ABCB1: variants seen among roughly 807,000 people sequenced by gnomAD.
ABCB1 encodes ATP binding cassette subfamily B member 1.
A neutral mutation model predicts 142.0 loss-of-function variants in ABCB1; 69 were observed. That is an observed-to-expected ratio of 0.49 (90% CI 0.40 to 0.59). The LOEUF is 0.59. Among genes scored for constraint, ABCB1 ranks in the 20% least tolerant of loss-of-function variants. The probability of loss-of-function intolerance (pLI) is 0.00; values close to 1 mark genes in which losing one functional copy is unlikely to be tolerated. For synonymous variants in ABCB1, 532 were observed against 539.2 expected (o/e 0.99, Z 0.18); for missense variants, 1,326 against 1,554.7 (o/e 0.85, Z 2.47).
rs953923317 is a variant in ABCB1 at position 87,671,029 on chromosome 7, T to A, written c.-331+42132A>T. ...GCAGAGAAAGGGATCTTATTAGTAGTTGTGACTGAGGGTCATTTGCTTGTT... is the reference window on the plus strand; with the variant it reads ...GCAGAGAAAGGGATCTTATTAGTAGATGTGACTGAGGGTCATTTGCTTGTT... On this transcript the variant is annotated intron_variant, in intron 1 of 28. Coordinates refer to the ABCB1 transcript ENST00000265724. Among the ~76,000 whole-genome samples the A allele has an allele frequency of 4.6e-5, 7 of 152,180 alleles. No individual in the cohort carries two copies. The East Asian group carries it at 1.4e-3, about 29-fold the overall frequency.
chr7:87,536,666 C>T, intron 19 of ABCB1, 125 bp from the exon 20 acceptor site: 5 of 773,140 alleles, frequency 6.5e-6, no homozygotes, highest in Middle Eastern at 4.5e-4. Flanking sequence ...CAGGATGTGA[C>T]ATTCAATACA....
At chr7:87,582,123 T>C (rs751634988) in intron 4 of ABCB1, among the ~76,000 whole-genome samples, 1 of 152,134 alleles carries the variant, frequency 6.6e-6, no homozygotes, top group Non-Finnish European at 1.5e-5. Context: ...AAAGATAGCA[T>C]GCTGTCTTTG....
chr7:87,644,905 T>G (rs1458997860), intron 1 of ABCB1, among the ~76,000 whole-genome samples: 1 of 151,980 alleles, frequency 6.6e-6, no homozygotes, highest in Non-Finnish European at 1.5e-5. Flanking sequence ...TATTTTTAAT[T>G]ATAATTATGT....
chr7:87,692,318 C>A (rs934759656), intron 1 of ABCB1, among the ~76,000 whole-genome samples: 1 of 152,038 alleles, frequency 6.6e-6, no homozygotes. Flanking sequence ...TTAGTTGAGC[C>A]TGGTGGCACG....
At chr7:87,662,303 G>T (rs1293701866) in intron 1 of ABCB1, among the ~76,000 whole-genome samples, 1 of 152,040 alleles carries the variant, frequency 6.6e-6, no homozygotes, top group Non-Finnish European at 1.5e-5. Context: ...TTCTTATGGG[G>T]TGTCAGTCAA....
chr7:87,555,709 A>T (rs1255740527), intron 8 of ABCB1, among the ~76,000 whole-genome samples: 1 of 152,134 alleles, frequency 6.6e-6, no homozygotes, highest in Non-Finnish European at 1.5e-5. Context: ...AAACGTTTCA[A>T]TTATTTATAT....
chr7:87,569,544 TG>T (rs1817947064), intron 5 of ABCB1, among the ~76,000 whole-genome samples: 1 of 152,116 alleles, frequency 6.6e-6, no homozygotes, highest in East Asian at 1.9e-4. Context: ...TTTTCTGGGA[TG>T]TTTTATTTTA....
In ABCB1 at chr7:87,633,368, T is replaced by C. The variant is rs572299289; in HGVS notation, c.-330-32290A>G. Among the ~76,000 whole-genome samples the C allele has an allele frequency of 9.6e-4, 146 of 152,314 alleles. 1 individual carries two copies. The highest frequency in any genetic ancestry group is 3.3e-3 in the African/African-American group (138 of 41,562). On this transcript the variant is annotated intron_variant, in intron 1 of 28. Transcript: ENST00000265724. Reference sequence around the variant, plus strand: ...TTGACAAAGACTATACATAGAATAATGTAATCCTTATTGATGACTTTACTC... The same window carrying C: ...TTGACAAAGACTATACATAGAATAACGTAATCCTTATTGATGACTTTACTC...
At chr7:87,562,847 C>T (rs960071901) in intron 7 of ABCB1, among the ~76,000 whole-genome samples, 2 of 151,722 alleles carry the variant, frequency 1.3e-5, no homozygotes, top group Non-Finnish European at 2.9e-5. Flanking sequence ...CACCTATAGT[C>T]CCAGGACTTT....
At chr7:87,705,292 A>G (rs1829485643) in intron 1 of ABCB1, among the ~76,000 whole-genome samples, 1 of 152,084 alleles carries the variant, frequency 6.6e-6, no homozygotes. Context: ...CAGGAGTGGT[A>G]GCGCATGCCT....
chr7:87,663,739 C>A (rs1386692529), intron 1 of ABCB1, among the ~76,000 whole-genome samples: 2 of 152,076 alleles, frequency 1.3e-5, no homozygotes, highest in Admixed American at 6.6e-5. Context: ...TACTGAGAGG[C>A]TTAAGTAACA....
intron 1 of ABCB1, among the ~76,000 whole-genome samples, chr7:87,681,073 A>C (rs1322481728): frequency 1.3e-5 from 2 of 150,650 alleles, no homozygotes; most frequent in Non-Finnish European, 2.9e-5. Context: ...TTCAAAGGAT[A>C]AAAAGTTAAT....
At chr7:87,618,943 T>C (rs1322809496) in intron 1 of ABCB1, among the ~76,000 whole-genome samples, 1 of 152,120 alleles carries the variant, frequency 6.6e-6, no homozygotes, top group African/African-American at 2.4e-5. Flanking sequence ...TACCAACAAC[T>C]TGAATGAGCT....
chr7:87,700,602 G>A, intron 1 of ABCB1: 2 of 1,559,472 alleles, frequency 1.3e-6, no homozygotes, highest in Non-Finnish European at 1.7e-6. Context: ...TTCATTGCAT[G>A]TATTTGGAAT....
At chr7:87,550,086 A>G in intron 12 of ABCB1, 32 bp from the exon 13 acceptor site, 3 of 1,614,084 alleles carry the variant, frequency 1.9e-6, no homozygotes, top group Non-Finnish European at 2.5e-6. Flanking sequence ...ACTTTCATAC[A>G]TTTGTAATTG....
chr7:87,661,639 T>A (rs1342391249), intron 1 of ABCB1, among the ~76,000 whole-genome samples: 2 of 151,896 alleles, frequency 1.3e-5, no homozygotes, highest in Admixed American at 6.6e-5. Context: ...TTGTGTATAT[T>A]TACCACATTT....
intron 1 of ABCB1, among the ~76,000 whole-genome samples, chr7:87,711,535 G>A (rs922661788): frequency 6.6e-6 from 1 of 151,970 alleles, no homozygotes; most frequent in African/African-American, 2.4e-5. Context: ...TTCCTAATTA[G>A]CACTCATCTG....
At chr7:87,600,253 T>C in intron 1 of ABCB1, 63 bp from the exon 2 acceptor site, 2 of 1,347,276 alleles carry the variant, frequency 1.5e-6, no homozygotes, top group Non-Finnish European at 2.1e-6. Context: ...GAGGTGAGAC[T>C]AACCTCTAGT....
At position 87,630,409 on chromosome 7, in the gene ABCB1, G is replaced by A. The variant is rs28381768; in HGVS notation, c.-330-29331C>T. On this transcript the variant is annotated intron_variant, in intron 1 of 28. Transcript: ENST00000265724. ...TAAATGGTAAAGTAATATGGTATCC[G>A]TTTAATTTGCCGTTTGTGCTGTCTA... 1.3e-3 allele frequency among the ~76,000 whole-genome samples: 195 copies of A among 152,250 alleles called. 2 individuals carry two copies. Among genetic ancestry groups the A allele is most frequent in the South Asian group, 0.011 (53 of 4,830 alleles).
Sources: gnomAD v4.1 joint callset for allele counts (sites outside exome capture counted in the v4.1 genomes callset) on GRCh38, gnomAD v4.1.1 for gene constraint, MANE v1.5 for transcripts, NCBI Gene and HGNC (gene_info 2026-07-23, HGNC 2026-07-21) for gene names.